CATSPERB: variants seen among roughly 807,000 people sequenced by gnomAD.
CATSPERB encodes catsper channel auxiliary subunit beta.
In CATSPERB, 93 loss-of-function variants were observed where a neutral mutation model predicts 128.3. The observed-to-expected ratio is 0.72, with a 90% CI of 0.61 to 0.86. The LOEUF (loss-of-function observed/expected upper bound fraction) is 0.86, where lower values mean the gene tolerates loss of function less well. Among genes scored for constraint, CATSPERB ranks in the 40% least tolerant of loss-of-function variants. The probability of loss-of-function intolerance (pLI) is 0.00; values close to 1 mark genes in which losing one functional copy is unlikely to be tolerated. For synonymous variants in CATSPERB, 381 were observed against 448.8 expected (o/e 0.85, Z 1.91); for missense variants, 1,153 against 1,329.5 (o/e 0.87, Z 2.06).
chr14:91,632,770 C>T (rs1444276915), intron 17 of CATSPERB, among the ~76,000 whole-genome samples: 1 of 151,648 alleles, frequency 6.6e-6, no homozygotes, highest in African/African-American at 2.4e-5. Context: ...TTCAGAACAC[C>T]CCAAAATATC....
At position 91,589,649 on chromosome 14, in the gene CATSPERB, T is replaced by A. The variant is rs1188369962; in HGVS notation, c.2841A>T (p.Pro947=). Residue 947 remains proline (P), a synonymous_variant, in exon 24 of 27, where the codon CCA becomes CCT. Coordinates refer to ENST00000256343, the MANE Select transcript of CATSPERB (RefSeq NM_024764.4). ...CCAAAGAAACTGGATATTGTGTAAT[T>A]GGAAACTTAAAGCGAGGAACCTAAA... ...CREKVPRFKF[P]ITQYPVSLEI... 1 of 1,613,530 alleles carries A rather than the reference T, an allele frequency of 6.2e-7. No homozygotes were observed.
chr14:91,683,317 C>T (rs559622862), intron 11 of CATSPERB, among the ~76,000 whole-genome samples: 18 of 152,300 alleles, frequency 1.2e-4, no homozygotes, highest in Admixed American at 3.3e-4. Flanking sequence ...CGGGAAATAG[C>T]CAGATCGACT....
intron 10 of CATSPERB, among the ~76,000 whole-genome samples, chr14:91,684,781 AT>A (rs1020651337): frequency 6.6e-6 from 1 of 151,152 alleles, no homozygotes; most frequent in African/African-American, 2.4e-5. Flanking sequence ...CGCCTGGCTA[AT>A]TTTTTTTGTA....
intron 17 of CATSPERB, among the ~76,000 whole-genome samples, chr14:91,635,199 C>T (rs1288085857): frequency 6.6e-6 from 1 of 152,020 alleles, no homozygotes. Flanking sequence ...ACCAAGGGCC[C>T]CACCTCCTAA....
chr14:91,640,252 AT>A (rs869140538), intron 15 of CATSPERB, among the ~76,000 whole-genome samples: 176 of 97,826 alleles, frequency 1.8e-3, no homozygotes, highest in Middle Eastern at 4.7e-3. Context: ...TTATTTTTTT[AT>A]TTTTTTTTTA....
chr14:91,726,009 C>G (rs1425561028), intron 2 of CATSPERB, among the ~76,000 whole-genome samples: 1 of 152,166 alleles, frequency 6.6e-6, no homozygotes, highest in Non-Finnish European at 1.5e-5. Context: ...AGGAGCTCCT[C>G]TGGGGATGGT....
At chr14:91,603,347 A>G (rs1893640802) in intron 22 of CATSPERB, 1 of 1,607,608 alleles carries the variant, frequency 6.2e-7, no homozygotes, top group Non-Finnish European at 8.5e-7. Flanking sequence ...TCAACACTAC[A>G]TCAGGTAACT....
chr14:91,615,895 TGAGATGG>T (rs1893927265), intron 20 of CATSPERB, among the ~76,000 whole-genome samples: 1 of 151,606 alleles, frequency 6.6e-6, no homozygotes, highest in African/African-American at 2.4e-5. Flanking sequence ...CTTTTTTTTT[TGAGATGG>T]AATCTCTCTC....
chr14:91,668,633 C>T (rs1895031382), intron 14 of CATSPERB, among the ~76,000 whole-genome samples: 1 of 152,178 alleles, frequency 6.6e-6, no homozygotes. Flanking sequence ...CACTCGTGGT[C>T]CACACTATCT....
Position 91,617,642 on chromosome 14 carries a change from G to GT in CATSPERB, c.2354dup (p.Asp785GlufsTer11). ...CTGCAGAAATTGTTATTACATAACT[G>GT]TCAGTATCATCAAAAGTCACTTCAG... is the stretch of plus-strand genomic sequence containing the variant. On this transcript the variant is annotated frameshift_variant, in exon 20 of 27. Coordinates refer to ENST00000256343, the MANE Select transcript of CATSPERB (RefSeq NM_024764.4). LOFTEE classifies it high-confidence loss of function. 1 of 1,599,432 alleles carries GT rather than the reference G, an allele frequency of 6.3e-7. No individual in the cohort carries two copies.
At chr14:91,716,173 G>A (rs186714652) in intron 5 of CATSPERB, among the ~76,000 whole-genome samples, 1 of 152,242 alleles carries the variant, frequency 6.6e-6, no homozygotes, top group Admixed American at 6.5e-5. Flanking sequence ...AATCATATGT[G>A]GTAACACCCA....
At chr14:91,696,420 G>C (rs895970626) in intron 7 of CATSPERB, among the ~76,000 whole-genome samples, 2 of 152,204 alleles carry the variant, frequency 1.3e-5, no homozygotes, top group African/African-American at 4.8e-5. Context: ...AGTAGAATGG[G>C]CATAAAAGAC....
At position 91,695,305 on chromosome 14, in the gene CATSPERB, A is replaced by G. The variant is rs534238833; in HGVS notation, c.617-1826T>C. 1.2e-4 allele frequency among the ~76,000 whole-genome samples: 19 copies of G among 152,070 alleles called. 1 individual carries two copies. The highest frequency in any genetic ancestry group is 4.2e-4 in the South Asian group (2 of 4,816). On this transcript the variant is annotated intron_variant, in intron 7 of 26. Coordinates refer to ENST00000256343, the MANE Select transcript of CATSPERB (RefSeq NM_024764.4). ...CCACCATGTCTGGCTAAATTTTAGT[A>G]TTTTTGGTAGGGACAGGGTTTTGCC...
chr14:91,586,571 A>AGAGAGAGAAAGAGAGAGAG (rs374162982), intron 26 of CATSPERB, among the ~76,000 whole-genome samples: 67 of 114,234 alleles, frequency 5.9e-4, no homozygotes, highest in Middle Eastern at 4.7e-3. Flanking sequence ...GAGAGAGAGA[A>AGAGAGAGAAAGAGAGAGAG]AGAGAGAGAG....
chr14:91,693,572 C>G (rs1212452727), intron 7 of CATSPERB, 93 bp from the exon 8 acceptor site: 2 of 800,308 alleles, frequency 2.5e-6, no homozygotes, highest in African/African-American at 1.7e-5. Context: ...CCAACTCCCT[C>G]TCAGCACTAT....
At chr14:91,709,400 G>A (rs1254868446) in intron 5 of CATSPERB, 2 of 151,812 alleles carry the variant, frequency 1.3e-5, no homozygotes, top group Non-Finnish European at 1.5e-5. Flanking sequence ...AAAAATAAGG[G>A]CCAGGCATGG....
intron 7 of CATSPERB, among the ~76,000 whole-genome samples, chr14:91,702,104 C>T (rs980087436): frequency 9.2e-5 from 14 of 151,850 alleles, no homozygotes; most frequent in African/African-American, 2.9e-4. Flanking sequence ...TTAAGACTGG[C>T]GCTTCTCTCC....
chr14:91,605,438 A>G, intron 22 of CATSPERB: 1 of 494,930 alleles, frequency 2.0e-6, no homozygotes, highest in South Asian at 3.1e-5. Flanking sequence ...AAGCGAAAGT[A>G]TCAAGAGGTT....
At chr14:91,659,725 C>A (rs111267552) in intron 15 of CATSPERB, 112 bp downstream of exon 15, 7 of 1,008,312 alleles carry the variant, frequency 6.9e-6, no homozygotes, top group African/African-American at 5.0e-5. Flanking sequence ...AATCCATCAC[C>A]CCTAATAGTT....
Sources: gnomAD v4.1 joint callset for allele counts (sites outside exome capture counted in the v4.1 genomes callset) on GRCh38, gnomAD v4.1.1 for gene constraint, MANE v1.5 for transcripts, NCBI Gene and HGNC (gene_info 2026-07-23, HGNC 2026-07-21) for gene names.